The following LAMA1 variants were observed in gnomAD, a reference collection of about 807,000 sequenced individuals.
The protein encoded by LAMA1 is laminin subunit alpha 1.
Under a neutral mutation model 348.7 loss-of-function variants are expected in LAMA1, and 219 were observed. The ratio of observed to expected loss-of-function variants is 0.63; its 90% CI spans 0.56 to 0.70. The LOEUF is 0.70. Ranked by LOEUF, LAMA1 falls within the 30% of genes least tolerant of loss-of-function variation. The probability of loss-of-function intolerance (pLI) is 0.00; values close to 1 mark genes in which losing one functional copy is unlikely to be tolerated. For synonymous variants in LAMA1, 1,487 were observed against 1,491.0 expected (o/e 1.00, Z 0.06); for missense variants, 3,744 against 3,888.0 (o/e 0.96, Z 0.99).
rs1177221049 is a variant in LAMA1, at chr18:6,978,248, G to C, written c.6138C>G (p.Val2046=). The C allele has an allele frequency of 6.2e-7, 1 of 1,614,232 alleles. No homozygotes were observed. Among genetic ancestry groups the C allele is most frequent in the Non-Finnish European group, 8.5e-7 (1 of 1,180,046 alleles). Reference sequence around the variant, plus strand: ...GGTGTGTCTCTCGTAATGTGGTGTTGACCCTGGACAGGCTGGCAGATGTGT... The same window carrying C: ...GGTGTGTCTCTCGTAATGTGGTGTTCACCCTGGACAGGCTGGCAGATGTGT... ...LLNTSASLSR[V]NTTLRETHQL... is the part of the protein sequence containing the mutation. Residue 2046 remains valine (V), a synonymous_variant, in exon 43 of 63, where the codon GTC becomes GTG. Coordinates refer to ENST00000389658, the MANE Select transcript of LAMA1 (RefSeq NM_005559.4).
intron 46 of LAMA1, among the ~76,000 whole-genome samples, chr18:6,974,209 T>C (rs2057671013): frequency 1.3e-5 from 2 of 152,016 alleles, no homozygotes; most frequent in African/African-American, 4.8e-5. Context: ...AAGAAAAAAA[T>C]CCAAACCTTA....
At chr18:7,056,473 T>C (rs2058082412) in intron 3 of LAMA1, among the ~76,000 whole-genome samples, 1 of 152,240 alleles carries the variant, frequency 6.6e-6, no homozygotes, top group South Asian at 2.1e-4. Context: ...AACCCCATTA[T>C]TGTTTTTGTG....
At chr18:7,086,668 T>C (rs2058218860) in intron 1 of LAMA1, among the ~76,000 whole-genome samples, 1 of 152,100 alleles carries the variant, frequency 6.6e-6, no homozygotes, top group Non-Finnish European at 1.5e-5. Flanking sequence ...TGAATGACGA[T>C]AATGCCTGAG....
At chr18:7,043,532 A>C in intron 7 of LAMA1, 127 bp from the exon 8 acceptor site, 1 of 765,604 alleles carries the variant, frequency 1.3e-6, no homozygotes, top group Non-Finnish European at 2.2e-6. Context: ...AGTAATTTTA[A>C]TAAGATATGG....
At chr18:7,116,789 C>T (rs1480412254) in intron 1 of LAMA1, among the ~76,000 whole-genome samples, 1 of 151,576 alleles carries the variant, frequency 6.6e-6, no homozygotes, top group African/African-American at 2.4e-5. Flanking sequence ...CTTTCTTTTT[C>T]TTTCTTTCTC....
rs1287145780 is a variant in LAMA1, at chr18:6,986,143, T to C, written c.5373A>G (p.Glu1791=). ...GAGAGCAAGTGAGACTCACACTGAA[T>C]TCTCTCAGATTAGCATTGACCATGA... ...LLLMVNANLR[E]FSDKKLHVQE... Residue 1791 remains glutamate, a synonymous_variant, in exon 37 of 63, where the codon GAA becomes GAG. Transcript: ENST00000389658. The C allele has an allele frequency of 1.2e-6, 2 of 1,614,178 alleles. No homozygotes were observed. The highest frequency in any genetic ancestry group is 1.3e-5 in the African/African-American group (1 of 75,060).
At chr18:7,030,937 T>C (rs2057966491) in intron 16 of LAMA1, among the ~76,000 whole-genome samples, 1 of 149,398 alleles carries the variant, frequency 6.7e-6, no homozygotes, top group African/African-American at 2.5e-5. Flanking sequence ...GGTTGGAAGC[T>C]GTGCACCTGA....
chr18:7,068,323 T>C (rs752845272), intron 3 of LAMA1, among the ~76,000 whole-genome samples: 3 of 152,228 alleles, frequency 2.0e-5, no homozygotes, highest in Non-Finnish European at 2.9e-5. Context: ...AGCCTGCTCA[T>C]CACTGCTAAT....
At chr18:7,062,186 A>C (rs936554737) in intron 3 of LAMA1, among the ~76,000 whole-genome samples, 2 of 152,318 alleles carry the variant, frequency 1.3e-5, no homozygotes, top group Non-Finnish European at 2.9e-5. Flanking sequence ...GAGGCTGACC[A>C]AGTCACCAGG....
At chr18:7,020,765 G>T (rs2057911739) in intron 19 of LAMA1, among the ~76,000 whole-genome samples, 1 of 152,118 alleles carries the variant, frequency 6.6e-6, no homozygotes, top group Non-Finnish European at 1.5e-5. Context: ...GGCCCTACCT[G>T]AAGCCCTCAT....
intron 1 of LAMA1, among the ~76,000 whole-genome samples, chr18:7,094,866 T>A (rs2058254186): frequency 6.6e-6 from 1 of 152,180 alleles, no homozygotes; most frequent in African/African-American, 2.4e-5. Flanking sequence ...AATAAAATAT[T>A]TAGGAAAAAC....
At chr18:7,077,529 C>T (rs1397885884) in intron 3 of LAMA1, among the ~76,000 whole-genome samples, 3 of 151,946 alleles carry the variant, frequency 2.0e-5, no homozygotes, top group Non-Finnish European at 2.9e-5. Flanking sequence ...TTTAAAAATG[C>T]CTTAAACATC....
chr18:7,109,587 T>A (rs746863924), intron 1 of LAMA1, among the ~76,000 whole-genome samples: 17 of 152,094 alleles, frequency 1.1e-4, no homozygotes, highest in African/African-American at 1.7e-4. Flanking sequence ...AGGTTTTCAG[T>A]GGGAAACGGG....
chr18:7,081,884 T>A (rs2143785748), intron 1 of LAMA1, among the ~76,000 whole-genome samples: 1 of 152,316 alleles, frequency 6.6e-6, no homozygotes, highest in African/African-American at 2.4e-5. Context: ...ATACCATTAC[T>A]GAAATGTTTA....
rs2058054300 is a variant in LAMA1, at chr18:7,049,377, G to A, written c.589-120C>T. 27 of 850,378 alleles carry A rather than the reference G, an allele frequency of 3.2e-5. No individual in the cohort carries two copies. In the East Asian group the frequency reaches 7.0e-4, roughly 22 times the overall value. The allele number at this position is 850,378 out of a possible 1,614,324, so 52.7% of individuals were successfully genotyped here. A position where few individuals can be genotyped will look rare whatever the true frequency, so the allele number is the denominator to read the frequency against. ...TGCAGTGGCACAATCTTGGCTCACT[G>A]TAACCTCCACCTCCCAGGTTCAAGC... is the stretch of plus-strand genomic sequence containing the variant. On this transcript the variant is annotated intron_variant, in intron 4 of 62. Coordinates refer to ENST00000389658, the MANE Select transcript of LAMA1 (RefSeq NM_005559.4).
intron 60 of LAMA1, among the ~76,000 whole-genome samples, chr18:6,948,054 G>T (rs1233592648): frequency 6.6e-6 from 1 of 152,178 alleles, no homozygotes; most frequent in Non-Finnish European, 1.5e-5. Context: ...GCGCCAGCTG[G>T]TCTAGACATT....
intron 1 of LAMA1, among the ~76,000 whole-genome samples, chr18:7,109,205 C>T (rs891059879): frequency 2.6e-5 from 4 of 152,140 alleles, no homozygotes; most frequent in Admixed American, 6.5e-5. Context: ...ATCCAGAGTC[C>T]GGGGACCGGC....
intron 1 of LAMA1, among the ~76,000 whole-genome samples, chr18:7,094,355 C>T (rs375401673): frequency 2.2e-5 from 3 of 139,464 alleles, no homozygotes; most frequent in Non-Finnish European, 4.5e-5. Context: ...ACCCAGGAGG[C>T]GGAGGTTGCA....
In LAMA1 at chr18:7,011,487, A is replaced by G. The variant is rs1236627948; in HGVS notation, c.3508-8T>C. The G allele has an allele frequency of 6.3e-7, 1 of 1,597,576 alleles. No homozygotes were observed. The highest frequency in any genetic ancestry group is 8.5e-7 in the Non-Finnish European group (1 of 1,172,358). On this transcript the variant is annotated splice_region_variant and splice_polypyrimidine_tract_variant and intron_variant, in intron 24 of 62. Coordinates refer to ENST00000389658, the MANE Select transcript of LAMA1 (RefSeq NM_005559.4). ...ATCGGAGCCCAGCGTTACCTAAACC[A>G]CGAAAGGAGGGGAAAGTGCACTTCA...
Sources: gnomAD v4.1 joint callset for allele counts (sites outside exome capture counted in the v4.1 genomes callset) on GRCh38, gnomAD v4.1.1 for gene constraint, MANE v1.5 for transcripts, NCBI Gene and HGNC (gene_info 2026-07-23, HGNC 2026-07-21) for gene names.